Variants in ARID1B observed in about 807,000 individuals in gnomAD.
ARID1B encodes the protein AT-rich interaction domain 1B.
ARID1B carries 30 observed loss-of-function variants against 212.3 expected under a neutral mutation model. That is an observed-to-expected ratio of 0.14 (90% CI 0.11 to 0.19). ARID1B has a LOEUF of 0.19. Ranked by LOEUF, ARID1B falls within the 10% of genes least tolerant of loss-of-function variation. The pLI is 1.00. For synonymous variants in ARID1B, 1,402 were observed against 1,301.7 expected (o/e 1.08, Z -1.66); for missense variants, 2,891 against 3,204.0 (o/e 0.90, Z 2.36).
intron 11 of ARID1B, 104 bp from the exon 12 acceptor site, chr6:157,180,865 C>T: frequency 1.1e-6 from 1 of 920,336 alleles, no homozygotes; most frequent in Non-Finnish European, 1.6e-6. Flanking sequence ...AGTTTTTAAT[C>T]TCTTCTCTTC....
At chr6:156,931,008 G>A (rs1441495111) in intron 3 of ARID1B, among the ~76,000 whole-genome samples, 9 of 152,018 alleles carry the variant, frequency 5.9e-5, no homozygotes, top group South Asian at 2.1e-4. Flanking sequence ...GGCCAACACA[G>A]TGAAACCCCA....
Position 156,777,813 on chromosome 6 carries a change from C to A in ARID1B, c.133C>A (p.Arg45Ser). 1 of 991,326 alleles carries A rather than the reference C, an allele frequency of 1.0e-6. No individual in the cohort carries two copies. The highest frequency in any genetic ancestry group is 1.2e-6 in the Non-Finnish European group (1 of 833,986). The allele number at this position is 991,326 out of a possible 1,614,324, so 61.4% of individuals were successfully genotyped here. A position where few individuals can be genotyped will look rare whatever the true frequency, so the allele number is the denominator to read the frequency against. ...AGCCCGGGACCTGGAGGCGGGGGCG[C>A]GCGGCGCGGCGGCGGCGGCGGCGGC... ...PGARDLEAGA[R>S]GAAAAAAAPG... Residue 45 changes from arginine to serine, a missense_variant, in exon 1 of 20, where the codon CGC becomes AGC. Around this residue, in one of 7 missense-constraint regions of ARID1B, gnomAD observed 1,643 missense variants for 1,544.0 expected, o/e 1.06. Coordinates refer to ENST00000636930, the MANE Select transcript of ARID1B (RefSeq NM_001374828.1).
intron 4 of ARID1B, among the ~76,000 whole-genome samples, chr6:157,054,235 G>T (rs1431468230): frequency 1.7e-5 from 2 of 116,276 alleles, no homozygotes; most frequent in Admixed American, 1.7e-4. Flanking sequence ...AAAAAAAGAA[G>T]GTGGATGGCC....
At chr6:157,176,535 A>G (rs1457714197) in intron 11 of ARID1B, among the ~76,000 whole-genome samples, 1 of 152,352 alleles carries the variant, frequency 6.6e-6, no homozygotes, top group East Asian at 1.9e-4. Flanking sequence ...TAAAAATAAT[A>G]ATCTTTAAAA....
At chr6:157,129,198 C>T (rs1788357732) in intron 6 of ARID1B, among the ~76,000 whole-genome samples, 1 of 152,230 alleles carries the variant, frequency 6.6e-6, no homozygotes, top group Non-Finnish European at 1.5e-5. Context: ...AGTTGATCCT[C>T]ACAGGATCCG....
chr6:157,189,962 G>C, intron 14 of ARID1B, 76 bp from the exon 15 acceptor site: 1 of 1,582,642 alleles, frequency 6.3e-7, no homozygotes, highest in Admixed American at 1.8e-5. Flanking sequence ...TTTCAAGATG[G>C]GTTCATCTTC....
chr6:157,101,781 G>A (rs191624166), intron 5 of ARID1B, among the ~76,000 whole-genome samples: 36 of 152,188 alleles, frequency 2.4e-4, no homozygotes, highest in African/African-American at 7.5e-4. Flanking sequence ...GTCAGCTAAC[G>A]TAGGAAAATT....
intron 3 of ARID1B, among the ~76,000 whole-genome samples, chr6:156,908,836 G>A (rs192156727): frequency 1.3e-5 from 2 of 152,136 alleles, no homozygotes; most frequent in East Asian, 1.9e-4. Context: ...TTTGCCAGGT[G>A]CCTATGGGTA....
At chr6:156,856,700 TCA>T (rs141705209) in intron 2 of ARID1B, among the ~76,000 whole-genome samples, 14,656 of 113,936 alleles carry the variant, frequency 0.13, 1,221 homozygotes, top group East Asian at 0.4. Context: ...TCTCTCTCTC[TCA>T]CACACACACA....
chr6:156,789,974 T>G (rs1415571612), intron 1 of ARID1B, among the ~76,000 whole-genome samples: 2 of 152,250 alleles, frequency 1.3e-5, no homozygotes, highest in Non-Finnish European at 2.9e-5. Context: ...GAGGCAATTC[T>G]CTATTAGTTA....
Position 157,182,569 on chromosome 6 carries a change from G to T in ARID1B, c.3714+1391G>T, listed in dbSNP as rs137996818. Among the ~76,000 whole-genome samples the T allele has an allele frequency of 3.3e-3, 506 of 152,272 alleles. 5 individuals are homozygous for T. Among genetic ancestry groups the T allele is most frequent in the African/African-American group, 0.012 (488 of 41,564 alleles). Reference sequence around the variant, plus strand: ...CAAGGGCAAGTCATCTGCCCTGCAGGTGTCACTGACGGCCTACCGTGGTCT... The same window carrying T: ...CAAGGGCAAGTCATCTGCCCTGCAGTTGTCACTGACGGCCTACCGTGGTCT... On this transcript the variant is annotated intron_variant, in intron 12 of 19. Coordinates refer to ENST00000636930, the MANE Select transcript of ARID1B (RefSeq NM_001374828.1).
rs371612570 is a variant in ARID1B at position 157,197,592 on chromosome 6, G to A, written c.4383-1219G>A. ...CTAATTCTTAACCCGGCCATAATACGGCCAATATTTACTTGTGATATATTC... is the reference window on the plus strand; with the variant it reads ...CTAATTCTTAACCCGGCCATAATACAGCCAATATTTACTTGTGATATATTC... On this transcript the variant is annotated intron_variant, in intron 16 of 19. Transcript: ENST00000636930. Among the ~76,000 whole-genome samples the A allele has an allele frequency of 1.1e-4, 17 of 152,246 alleles. 2 individuals are homozygous for A. The highest frequency in any genetic ancestry group is 2.9e-4 in the African/African-American group (12 of 41,542).
chr6:157,012,143 C>T (rs1779650696), intron 4 of ARID1B, among the ~76,000 whole-genome samples: 1 of 152,194 alleles, frequency 6.6e-6, no homozygotes, highest in Non-Finnish European at 1.5e-5. Context: ...CTCTAAAATT[C>T]TTCTGAAAGA....
intron 12 of ARID1B, 124 bp from the exon 13 acceptor site, chr6:157,184,107 T>C (rs1204711878): frequency 2.4e-6 from 2 of 819,092 alleles, no homozygotes; most frequent in African/African-American, 1.7e-5. Context: ...GTGGGAGTAA[T>C]GAGCATTAGT....
chr6:157,098,211 G>A (rs909814428), intron 5 of ARID1B, among the ~76,000 whole-genome samples: 10 of 152,172 alleles, frequency 6.6e-5, no homozygotes, highest in Non-Finnish European at 1.2e-4. Context: ...TCTCCCCGCC[G>A]CCTCTTACCT....
chr6:157,199,598 A>T (rs1467976943), intron 17 of ARID1B, among the ~76,000 whole-genome samples: 1 of 149,360 alleles, frequency 6.7e-6, no homozygotes, highest in African/African-American at 2.4e-5. Flanking sequence ...ATATAATTAT[A>T]ATAATTATAT....
intron 8 of ARID1B, among the ~76,000 whole-genome samples, chr6:157,157,190 C>T (rs932875336): frequency 4.6e-5 from 7 of 152,130 alleles, no homozygotes; most frequent in Non-Finnish European, 7.4e-5. Flanking sequence ...CCGTGACTCG[C>T]GCACCACTGT....
intron 4 of ARID1B, among the ~76,000 whole-genome samples, chr6:157,066,831 A>G (rs1252849921): frequency 6.6e-6 from 1 of 152,206 alleles, no homozygotes; most frequent in Non-Finnish European, 1.5e-5. Context: ...CTCCTGGAAA[A>G]CACTGATAGA....
At chr6:157,187,795 C>CT (rs1325925330) in intron 13 of ARID1B, among the ~76,000 whole-genome samples, 192 of 143,112 alleles carry the variant, frequency 1.3e-3, no homozygotes, top group South Asian at 5.8e-3. Flanking sequence ...GAGATTTTTC[C>CT]TTTTTTTTTT....
Sources: gnomAD v4.1 joint callset for allele counts (sites outside exome capture counted in the v4.1 genomes callset) on GRCh38, gnomAD v4.1.1 for gene constraint, gnomAD v4.1.1 regional missense constraint, MANE v1.5 for transcripts, NCBI Gene and HGNC (gene_info 2026-07-23, HGNC 2026-07-21) for gene names.